The following EPHA6 variants were observed in gnomAD, a reference collection of about 807,000 sequenced individuals.
EPHA6 encodes the protein EPH receptor A6.
Under a neutral mutation model 112.0 loss-of-function variants are expected in EPHA6, and 50 were observed. The ratio of observed to expected loss-of-function variants is 0.45; its 90% CI spans 0.36 to 0.56. EPHA6 has a LOEUF of 0.56. Among genes scored for constraint, EPHA6 ranks in the 20% least tolerant of loss-of-function variants. EPHA6 has a pLI of 0.00. For synonymous variants in EPHA6, 529 were observed against 490.7 expected, an observed-to-expected ratio of 1.08 and a Z score of -1.03; for missense variants, 1,280 against 1,417.4, an observed-to-expected ratio of 0.90 and a Z score of 1.56.
At chr3:97,225,710 T>A (rs2078334836) in intron 3 of EPHA6, among the ~76,000 whole-genome samples, 1 of 152,122 alleles carries the variant, frequency 6.6e-6, no homozygotes, top group Admixed American at 6.6e-5. Flanking sequence ...TATAAAAATA[T>A]TATTATAAAA....
chr3:97,053,486 A>G (rs1424264500), intron 3 of EPHA6, among the ~76,000 whole-genome samples: 1 of 152,126 alleles, frequency 6.6e-6, no homozygotes, highest in Non-Finnish European at 1.5e-5. Flanking sequence ...TAAATTAACT[A>G]GACTGGAACT....
intron 3 of EPHA6, among the ~76,000 whole-genome samples, chr3:97,049,068 AAGAACATC>A (rs1339237889): frequency 6.6e-6 from 1 of 152,214 alleles, no homozygotes; most frequent in East Asian, 1.9e-4. Flanking sequence ...AGCATATCGG[AAGAACATC>A]AGGGCCAGTG....
intron 2 of EPHA6, among the ~76,000 whole-genome samples, chr3:96,899,502 C>A (rs2038485420): frequency 6.6e-6 from 1 of 152,052 alleles, no homozygotes; most frequent in Non-Finnish European, 1.5e-5. Context: ...TAAAGCAGAG[C>A]CATGTGACAA....
At chr3:97,177,733 T>C (rs1171180710) in intron 3 of EPHA6, among the ~76,000 whole-genome samples, 1 of 152,034 alleles carries the variant, frequency 6.6e-6, no homozygotes, top group Non-Finnish European at 1.5e-5. Flanking sequence ...GTTTTTGACT[T>C]GAAATCTATT....
chr3:97,479,440 T>C (rs749434064), intron 9 of EPHA6, 76 bp downstream of exon 9: 15 of 962,368 alleles, frequency 1.6e-5, no homozygotes, highest in East Asian at 5.5e-5. Flanking sequence ...ACTGTATCTA[T>C]TGAGTTGAGA....
At position 96,906,048 on chromosome 3, in the gene EPHA6, G is replaced by A. The variant is rs181301501; in HGVS notation, c.450+39159G>A. ...TGTTAAACCTGTTAAATCTGAATATGCTAAGTCTGCTGAGTACAGATAATA... is the reference window on the plus strand; with the variant it reads ...TGTTAAACCTGTTAAATCTGAATATACTAAGTCTGCTGAGTACAGATAATA... On this transcript the variant is annotated intron_variant, in intron 2 of 17. Transcript: ENST00000389672. 9.1e-4 allele frequency among the ~76,000 whole-genome samples: 139 copies of A among 152,192 alleles called. 1 individual carries two copies. The highest frequency in any genetic ancestry group is 2.9e-3 in the African/African-American group (120 of 41,550).
intron 14 of EPHA6, among the ~76,000 whole-genome samples, chr3:97,650,501 CAT>C (rs532096068): frequency 1.5e-3 from 222 of 151,988 alleles, no homozygotes; most frequent in African/African-American, 5.2e-3. Context: ...TTAAGATTAT[CAT>C]ACACAAAGGA....
intron 2 of EPHA6, among the ~76,000 whole-genome samples, chr3:96,885,227 T>C (rs1437993721): frequency 6.6e-6 from 1 of 152,170 alleles, no homozygotes; most frequent in Non-Finnish European, 1.5e-5. Flanking sequence ...ATTAGGGTGA[T>C]GCTGGCTTCA....
intron 3 of EPHA6, among the ~76,000 whole-genome samples, chr3:97,095,319 G>A (rs2047203144): frequency 6.6e-6 from 1 of 151,922 alleles, no homozygotes; most frequent in Non-Finnish European, 1.5e-5. Context: ...GGGGGAAAAG[G>A]GAGGGATAGC....
chr3:97,010,079 A>G, intron 3 of EPHA6: 5 of 1,290,314 alleles, frequency 3.9e-6, no homozygotes, highest in Non-Finnish European at 3.0e-6. Context: ...AGAATAAAAG[A>G]AAAAGCAAAA....
intron 5 of EPHA6, among the ~76,000 whole-genome samples, chr3:97,397,031 ATC>A (rs1418762945): frequency 2.6e-5 from 4 of 151,734 alleles, no homozygotes; most frequent in Non-Finnish European, 5.9e-5. Context: ...CATTTCAGCT[ATC>A]TATTCAACCA....
intron 3 of EPHA6, among the ~76,000 whole-genome samples, chr3:97,171,843 A>G (rs1426692450): frequency 6.6e-6 from 1 of 152,016 alleles, no homozygotes; most frequent in Non-Finnish European, 1.5e-5. Flanking sequence ...GAGTAGAATG[A>G]GTTTAGGGAT....
intron 11 of EPHA6, among the ~76,000 whole-genome samples, chr3:97,539,018 TCTTTCTTTCTTTCTTTCTTG>T (rs1469651167): frequency 6.0e-5 from 9 of 149,778 alleles, no homozygotes; most frequent in African/African-American, 2.3e-4. Flanking sequence ...TTTCTTTCTT[TCTTTCTTTCTTTCTTTCTTG>T]CTTTCTTTCT....
chr3:97,193,937 A>T (rs898347882), intron 3 of EPHA6, among the ~76,000 whole-genome samples: 1 of 152,068 alleles, frequency 6.6e-6, no homozygotes, highest in African/African-American at 2.4e-5. Flanking sequence ...ATGATATATC[A>T]CATTGGTTGA....
chr3:97,418,129 T>C (rs896883057), intron 6 of EPHA6, among the ~76,000 whole-genome samples: 16 of 151,538 alleles, frequency 1.1e-4, no homozygotes, highest in Non-Finnish European at 2.1e-4. Context: ...GAAATTAAAC[T>C]TATAAAATTA....
intron 14 of EPHA6, among the ~76,000 whole-genome samples, chr3:97,690,342 A>G (rs2032573719): frequency 6.6e-6 from 1 of 152,180 alleles, no homozygotes; most frequent in Non-Finnish European, 1.5e-5. Context: ...AGCCATTTCT[A>G]ATGGATGTGA....
chr3:96,993,441 G>A (rs2107869980), intron 3 of EPHA6, among the ~76,000 whole-genome samples: 1 of 151,986 alleles, frequency 6.6e-6, no homozygotes, highest in Admixed American at 6.6e-5. Context: ...AGATTTGTTG[G>A]ACAGGATAGT....
At chr3:97,287,662 T>G (rs1357291479) in intron 5 of EPHA6, among the ~76,000 whole-genome samples, 1 of 152,204 alleles carries the variant, frequency 6.6e-6, no homozygotes, top group Non-Finnish European at 1.5e-5. Context: ...CTATCTATTG[T>G]GATGATCATG....
chr3:96,915,660 C>G (rs1420763810), intron 2 of EPHA6, among the ~76,000 whole-genome samples: 1 of 152,034 alleles, frequency 6.6e-6, no homozygotes, highest in African/African-American at 2.4e-5. Context: ...ATGCGTCATT[C>G]TAATACATGC....
Sources: gnomAD v4.1 joint callset for allele counts (sites outside exome capture counted in the v4.1 genomes callset) on GRCh38, gnomAD v4.1.1 for gene constraint, MANE v1.5 for transcripts, NCBI Gene and HGNC (gene_info 2026-07-23, HGNC 2026-07-21) for gene names.